DEAF1: variants seen among roughly 807,000 people sequenced by gnomAD.
DEAF1 encodes deformed epidermal autoregulatory factor 1 homolog.
Under a neutral mutation model 58.9 loss-of-function variants are expected in DEAF1, and 53 were observed. The observed-to-expected ratio is 0.90, with a 90% CI of 0.72 to 1.13. The LOEUF is 1.13. DEAF1 is among the 50% of genes most tolerant of loss of function. The pLI, the probability that DEAF1 is intolerant of heterozygous loss-of-function variation, is 0.00. For missense variants in DEAF1, 685 were observed against 791.4 expected (o/e 0.87, Z 1.61); for synonymous variants, 385 against 340.4 (o/e 1.13, Z -1.44).
At chr11:649,512 G>T (rs965206562) in intron 11 of DEAF1, among the ~76,000 whole-genome samples, 1 of 151,914 alleles carries the variant, frequency 6.6e-6, no homozygotes, top group African/African-American at 2.4e-5. Context: ...TTGAGGTCAG[G>T]AGCTCAAGAC....
At chr11:656,158 C>CTCTTTTTT (rs372871736) in intron 10 of DEAF1, among the ~76,000 whole-genome samples, 1 of 124,286 alleles carries the variant, frequency 8.0e-6, no homozygotes. Flanking sequence ...AAATGACAAA[C>CTCTTTTTT]TTTTTTTTTT....
intron 9 of DEAF1, among the ~76,000 whole-genome samples, chr11:675,924 C>CCCCCCAGCACCTGACAT (rs1325589795): frequency 1.3e-5 from 1 of 75,128 alleles, no homozygotes; most frequent in Non-Finnish European, 2.6e-5. Flanking sequence ...GCACCTGACA[C>CCCCCCAGCACCTGACAT]CCCCCAGCAC....
intron 10 of DEAF1, among the ~76,000 whole-genome samples, chr11:656,067 C>T (rs1859039491): frequency 6.6e-6 from 1 of 151,864 alleles, no homozygotes; most frequent in Admixed American, 6.6e-5. Context: ...CTCCTGACCT[C>T]AAATGATCCA....
rs574369845 is a variant in DEAF1 at position 704,276 on chromosome 11, G to A, written c.-438+2296C>T. 2.1e-5 allele frequency: 15 copies of A among 721,470 alleles called. No individual in the cohort carries two copies. In the African/African-American group the frequency reaches 2.6e-4, roughly 13 times the overall value. 44.7% of individuals were successfully genotyped at this position (721,470 alleles called of 1,614,324 possible). On this transcript the variant is annotated intron_variant, in intron 1 of 11. Coordinates refer to the DEAF1 transcript ENST00000683307. ...GGCGCCTTCCGCTCGGTGGACTCCT[G>A]AGGGCAGGAGGCTGCGGGACTGTCC...
In DEAF1 at chr11:644,592, T is replaced by C; in HGVS notation, c.1656A>G (p.Glu552=). 1 of 1,613,186 alleles carries C rather than the reference T, an allele frequency of 6.2e-7. No individual in the cohort carries two copies. Among genetic ancestry groups the C allele is most frequent in the Non-Finnish European group, 8.5e-7 (1 of 1,179,974 alleles). The change falls in exon 12 of 12, where the codon GAA becomes GAG. Residue 552 remains glutamate (E), a synonymous_variant. Transcript: ENST00000382409. This position sits in a 1 kb window ranked among gnomAD's most constrained non-coding sequence, Gnocchi z 4.3. The part of the protein sequence containing the change: ...QSAAVTVQAD[E]VHVAESVMEK... ...CCATCACGCTTTCAGCCACGTGGAC[T>C]TCGTCTGCCTGGACGGTGACAGCTG...
At chr11:649,955 C>T (rs549471192) in intron 11 of DEAF1, among the ~76,000 whole-genome samples, 5 of 150,354 alleles carry the variant, frequency 3.3e-5, no homozygotes, top group African/African-American at 7.4e-5. Flanking sequence ...GAACCCGGGA[C>T]GTTGAGGTTG....
chr11:672,671 AC>A (rs1417571852), intron 10 of DEAF1, among the ~76,000 whole-genome samples: 1 of 152,122 alleles, frequency 6.6e-6, no homozygotes, highest in Non-Finnish European at 1.5e-5. Flanking sequence ...ACATAGTGAA[AC>A]CCCGTCTCTA....
chr11:679,841 C>A, intron 7 of DEAF1, 25 bp from the exon 8 acceptor site: 2 of 1,611,502 alleles, frequency 1.2e-6, no homozygotes, highest in Non-Finnish European at 1.7e-6. Context: ...GCACATTTCA[C>A]GCGGCCAGGC....
upstream of DEAF1, chr11:695,468 AG>A: frequency 1.7e-6 from 1 of 604,868 alleles, no homozygotes; most frequent in South Asian, 8.5e-5. Flanking sequence ...GGACGGCTCT[AG>A]GCAGATTCTC....
intron 10 of DEAF1, among the ~76,000 whole-genome samples, chr11:667,835 G>A (rs780260804): frequency 8.9e-5 from 13 of 146,822 alleles, no homozygotes; most frequent in African/African-American, 2.3e-4. Flanking sequence ...TAAATAGGCC[G>A]GCGTGTTAGC....
In DEAF1 at chr11:688,589, A is replaced by C; in HGVS notation, c.388-129T>G. ...ACCAAGAAGGGACGCTCACCTAGGC[A>C]CCCCATATCTTTTCCAAAGATACCT... On this transcript the variant is annotated intron_variant, in intron 2 of 11. Coordinates refer to ENST00000382409, the MANE Select transcript of DEAF1 (RefSeq NM_021008.4). This position sits in a 1 kb window ranked among gnomAD's most constrained non-coding sequence, Gnocchi z 4.3. 9.2e-7 allele frequency: 1 copy of C among 1,083,768 alleles called. No individual in the cohort carries two copies. Among genetic ancestry groups the C allele is most frequent in the Non-Finnish European group, 1.4e-6 (1 of 724,056 alleles). 67.1% of individuals were successfully genotyped at this position (1,083,768 alleles called of 1,614,324 possible).
chr11:703,355 C>G, intron 1 of DEAF1: 1 of 1,395,546 alleles, frequency 7.2e-7, no homozygotes, highest in Non-Finnish European at 9.3e-7. Flanking sequence ...GTGTTGGGAA[C>G]AGCTGCGGGG....
chr11:646,713 A>G (rs1858514699), intron 11 of DEAF1: 3 of 152,250 alleles, frequency 2.0e-5, no homozygotes, highest in South Asian at 2.1e-4. Flanking sequence ...CATCTTAAAC[A>G]TCAATGTGAT....
chr11:670,931 G>GTT (rs558436376), intron 10 of DEAF1, among the ~76,000 whole-genome samples: 2 of 91,388 alleles, frequency 2.2e-5, no homozygotes, highest in Non-Finnish European at 3.9e-5. Flanking sequence ...CCTGGCTAAT[G>GTT]TTTTTTTTTT....
chr11:655,745 T>C (rs1859018798), intron 10 of DEAF1, among the ~76,000 whole-genome samples: 1 of 152,172 alleles, frequency 6.6e-6, no homozygotes, highest in Non-Finnish European at 1.5e-5. Flanking sequence ...AGCTCCGACA[T>C]TCAGTCACTC....
intron 2 of DEAF1, chr11:689,659 C>T (rs1018946972): frequency 2.6e-5 from 4 of 152,214 alleles, no homozygotes; most frequent in Admixed American, 2.6e-4. Context: ...TCACCAAAGA[C>T]CTGCAGCTCT....
Position 686,559 on chromosome 11 carries a change from A to G in DEAF1, c.804+299T>C, listed in dbSNP as rs114022695. On this transcript the variant is annotated intron_variant, in intron 5 of 11. Coordinates refer to ENST00000382409, the MANE Select transcript of DEAF1 (RefSeq NM_021008.4). The stretch of plus-strand genomic sequence containing the variant: ...GATTATCTTAACTTCTACTGTTTTC[A>G]TTTTTTGTGTATTTGACACGCCCCC... Among the ~76,000 whole-genome samples the G allele has an allele frequency of 7.8e-3, 1,193 of 152,274 alleles. 16 individuals carry two copies. The highest frequency in any genetic ancestry group is 0.026 in the African/African-American group (1,081 of 41,554).
In DEAF1 at chr11:688,799, C is replaced by T. The variant is rs1469790728; in HGVS notation, c.388-339G>A. Among the ~76,000 whole-genome samples, 2 of 152,216 alleles carry T rather than the reference C, an allele frequency of 1.3e-5. No homozygotes were observed. Among genetic ancestry groups the T allele is most frequent in the Non-Finnish European group, 2.9e-5 (2 of 68,036 alleles). On this transcript the variant is annotated intron_variant, in intron 2 of 11. Coordinates refer to ENST00000382409, the MANE Select transcript of DEAF1 (RefSeq NM_021008.4). This position sits in a 1 kb window ranked among gnomAD's most constrained non-coding sequence, Gnocchi z 4.3. The stretch of plus-strand genomic sequence containing the variant: ...CACCGTCTTCATGCAGAGTTTCCAA[C>T]AGACCGAGTTGGCCGCCACAGACAA...
intron 1 of DEAF1, chr11:703,306 G>A (rs1861584886): frequency 1.4e-6 from 2 of 1,424,236 alleles, no homozygotes; most frequent in Admixed American, 3.0e-5. Context: ...GCAGGAGTGG[G>A]AGCAGGAGCC....
Sources: allele counts gnomAD v4.1 joint callset (sites outside exome capture counted in the v4.1 genomes callset), GRCh38; gene constraint gnomAD v4.1.1; non-coding constraint Gnocchi (gnomAD v3.1); transcripts MANE v1.5; gene names NCBI Gene and HGNC (gene_info 2026-07-23, HGNC 2026-07-21).